The following CARMIL1 variants were observed in gnomAD, a reference collection of about 807,000 sequenced individuals.
CARMIL1 encodes capping protein regulator and myosin 1 linker 1, also known as F-actin-uncapping protein LRRC16A.
CARMIL1 carries 90 observed loss-of-function variants against 177.1 expected under a neutral mutation model. The ratio of observed to expected loss-of-function variants is 0.51; its 90% CI spans 0.43 to 0.61. The LOEUF (loss-of-function observed/expected upper bound fraction) is 0.61, where lower values mean the gene tolerates loss of function less well. Ranked by LOEUF, CARMIL1 falls within the 20% of genes least tolerant of loss-of-function variation. CARMIL1 has a pLI of 0.00. For synonymous variants in CARMIL1, 577 were observed against 606.2 expected, an observed-to-expected ratio of 0.95 and a Z score of 0.71; for missense variants, 1,380 against 1,667.0, an observed-to-expected ratio of 0.83 and a Z score of 3.00.
At chr6:25,495,281 G>A (rs1803593370) in intron 16 of CARMIL1, 66 bp downstream of exon 16, 3 of 1,082,726 alleles carry the variant, frequency 2.8e-6, no homozygotes, top group East Asian at 2.5e-5. Flanking sequence ...ATGTGCTTGA[G>A]GGAAGGGAGA....
chr6:25,619,713 C>A lies in CARMIL1; in HGVS notation c.*130C>A. 1.4e-6 allele frequency: 1 copy of A among 722,436 alleles called. No homozygotes were observed. The highest frequency in any genetic ancestry group is 3.7e-5 in the Admixed American group (1 of 27,070). The allele number at this position is 722,436 out of a possible 1,614,324, so 44.8% of individuals were successfully genotyped here. ...TATTCTCTTCTTTTTCTTTATTTCG[C>A]CCCCACCCCCATCCCCTGCCTTTTT... On this transcript the variant is annotated 3_prime_UTR_variant, in exon 37 of 37. Coordinates refer to ENST00000329474, the MANE Select transcript of CARMIL1 (RefSeq NM_017640.6).
At chr6:25,526,120 A>G (rs1244295044) in intron 23 of CARMIL1, among the ~76,000 whole-genome samples, 1 of 151,330 alleles carries the variant, frequency 6.6e-6, no homozygotes, top group African/African-American at 2.4e-5. Context: ...CCATCCTGTG[A>G]ATGGTGAAAC....
chr6:25,523,046 G>C (rs1193301021), intron 23 of CARMIL1, among the ~76,000 whole-genome samples: 1 of 152,146 alleles, frequency 6.6e-6, no homozygotes, highest in Non-Finnish European at 1.5e-5. Context: ...TAATCCTCCT[G>C]CCTTGGCCTC....
At chr6:25,485,832 T>C (rs1802593681) in intron 12 of CARMIL1, among the ~76,000 whole-genome samples, 1 of 152,090 alleles carries the variant, frequency 6.6e-6, no homozygotes, top group Admixed American at 6.6e-5. Flanking sequence ...TTACATAGGA[T>C]CTGAAAGATT....
intron 27 of CARMIL1, among the ~76,000 whole-genome samples, chr6:25,552,178 C>A (rs1267923374): frequency 6.6e-6 from 1 of 152,108 alleles, no homozygotes; most frequent in Non-Finnish European, 1.5e-5. Flanking sequence ...AGATTAGTGA[C>A]TTTATAAACT....
At chr6:25,409,995 T>C (rs1794763187) in intron 2 of CARMIL1, among the ~76,000 whole-genome samples, 1 of 152,218 alleles carries the variant, frequency 6.6e-6, no homozygotes, top group Admixed American at 6.5e-5. Context: ...TATATTCTCC[T>C]TCTTTCCTTA....
chr6:25,484,877 G>A (rs918416892), intron 12 of CARMIL1, among the ~76,000 whole-genome samples: 1 of 152,038 alleles, frequency 6.6e-6, no homozygotes, highest in Non-Finnish European at 1.5e-5. Flanking sequence ...TAAGATAAAG[G>A]TGGTTTTTAA....
rs747147664 is a variant in CARMIL1 at position 25,491,942 on chromosome 6, T to C, written c.1144-6T>C. ...TGAAAAGAAGAGTGCCTTATTTCTT[T>C]TTCAGGTCTGTGGAGCTCTTCTCCG... On this transcript the variant is annotated splice_polypyrimidine_tract_variant and splice_region_variant and intron_variant, in intron 14 of 36. Coordinates refer to ENST00000329474, the MANE Select transcript of CARMIL1 (RefSeq NM_017640.6). 4 of 1,612,994 alleles carry C rather than the reference T, an allele frequency of 2.5e-6. No homozygotes were observed. In the Admixed American group the frequency reaches 6.7e-5, roughly 27 times the overall value.
intron 16 of CARMIL1, among the ~76,000 whole-genome samples, chr6:25,496,433 G>A (rs1271349581): frequency 7.2e-6 from 1 of 138,622 alleles, no homozygotes; most frequent in East Asian, 2.2e-4. Flanking sequence ...AGCTGAGATT[G>A]CACCACTGCC....
chr6:25,541,400 G>A (rs1261089816), intron 26 of CARMIL1, among the ~76,000 whole-genome samples: 1 of 152,036 alleles, frequency 6.6e-6, no homozygotes, highest in Non-Finnish European at 1.5e-5. Flanking sequence ...ATTTTTAATG[G>A]CTATGTGGTA....
chr6:25,534,567 T>C (rs1808102391), intron 24 of CARMIL1, among the ~76,000 whole-genome samples: 1 of 152,196 alleles, frequency 6.6e-6, no homozygotes, highest in Non-Finnish European at 1.5e-5. Context: ...GATTCCTCCT[T>C]TGGATAAAAT....
rs1319254791 is a variant in CARMIL1 at position 25,450,411 on chromosome 6, T to C, written c.540+2T>C. ...TCATACAGGGAAGAAGTACAATGGG[T>C]AAGAATGTCTGTGTACATGTGCATG... On this transcript the variant is annotated splice_donor_variant, in intron 7 of 36. Transcript: ENST00000329474. LOFTEE classifies it high-confidence loss of function. 6.2e-7 allele frequency: 1 copy of C among 1,609,832 alleles called. No homozygotes were observed. Among genetic ancestry groups the C allele is most frequent in the Non-Finnish European group, 8.5e-7 (1 of 1,176,270 alleles).
In CARMIL1 at chr6:25,600,571, T is replaced by C; in HGVS notation, c.3377T>C (p.Ile1126Thr). Residue 1126 changes from isoleucine to threonine, a missense_variant, in exon 33 of 37, where the codon ATA (isoleucine) becomes ACA (threonine). Transcript: ENST00000329474. ...HNGNSERIEE[I>T]KTPDSFEESQ... ...GGCAATTCTGAACGGATAGAGGAGA[T>C]AAAAACACCTGACTCCTTTGAAGAG... is the stretch of plus-strand genomic sequence containing the variant. 1 of 1,613,730 alleles carries C rather than the reference T, an allele frequency of 6.2e-7. No individual in the cohort carries two copies. Among genetic ancestry groups the C allele is most frequent in the Middle Eastern group, 1.6e-4 (1 of 6,062 alleles).
intron 2 of CARMIL1, among the ~76,000 whole-genome samples, chr6:25,359,775 T>A (rs570467151): frequency 9.8e-5 from 15 of 152,328 alleles, no homozygotes; most frequent in African/African-American, 3.6e-4. Context: ...CATTTCTGAA[T>A]CCATGAGTCT....
chr6:25,367,090 T>C (rs565866856), intron 2 of CARMIL1, among the ~76,000 whole-genome samples: 48 of 152,336 alleles, frequency 3.2e-4, no homozygotes, highest in African/African-American at 1.1e-3. Flanking sequence ...TATTTTCACA[T>C]GTTGGCTGCT....
chr6:25,514,537 C>T (rs1258450607), intron 20 of CARMIL1, among the ~76,000 whole-genome samples: 11 of 125,956 alleles, frequency 8.7e-5, no homozygotes, highest in Admixed American at 5.5e-4. Flanking sequence ...GGGGACAGAG[C>T]GAGACCTTGT....
intron 3 of CARMIL1, 93 bp downstream of exon 3, chr6:25,420,257 T>TGTA: frequency 9.0e-7 from 1 of 1,110,166 alleles, no homozygotes; most frequent in Non-Finnish European, 1.4e-6. Context: ...TGTGCACACA[T>TGTA]ATTCCTTCAT....
At chr6:25,485,481 T>C (rs988180308) in intron 12 of CARMIL1, among the ~76,000 whole-genome samples, 2 of 152,254 alleles carry the variant, frequency 1.3e-5, no homozygotes, top group Admixed American at 1.3e-4. Flanking sequence ...AGTTGCACGA[T>C]CTTGGCTCAC....
chr6:25,578,614 C>G (rs1386679008), intron 29 of CARMIL1, among the ~76,000 whole-genome samples: 2 of 151,480 alleles, frequency 1.3e-5, no homozygotes, highest in African/African-American at 4.8e-5. Flanking sequence ...GTTTTTTTTT[C>G]TCTGTTGTTG....
Sources: allele counts gnomAD v4.1 joint callset (sites outside exome capture counted in the v4.1 genomes callset), GRCh38; gene constraint gnomAD v4.1.1; transcripts MANE v1.5; gene names NCBI Gene and HGNC (gene_info 2026-07-23, HGNC 2026-07-21).